Variants in ABCB1 observed in about 807,000 individuals in gnomAD.
ABCB1 encodes ATP binding cassette subfamily B member 1.
A neutral mutation model predicts 142.0 loss-of-function variants in ABCB1; 69 were observed. That is an observed-to-expected ratio of 0.49 (90% CI 0.40 to 0.59). The LOEUF (loss-of-function observed/expected upper bound fraction) is 0.59, where lower values mean the gene tolerates loss of function less well. Ranked by LOEUF, ABCB1 falls within the 20% of genes least tolerant of loss-of-function variation. The pLI is 0.00. For missense variants in ABCB1, 1,326 were observed against 1,554.7 expected (o/e 0.85, Z 2.47); for synonymous variants, 532 against 539.2 (o/e 0.99, Z 0.18).
intron 1 of ABCB1, among the ~76,000 whole-genome samples, chr7:87,634,647 A>G (rs1821582179): frequency 1.3e-5 from 2 of 152,132 alleles, no homozygotes; most frequent in South Asian, 4.1e-4. Context: ...AGAAAAAAAA[A>G]AGAACTTTAA....
intron 1 of ABCB1, among the ~76,000 whole-genome samples, chr7:87,650,097 A>G (rs1823430539): frequency 6.6e-6 from 1 of 152,078 alleles, no homozygotes; most frequent in Non-Finnish European, 1.5e-5. Flanking sequence ...ATTTTATTCT[A>G]TTTTGTGCTC....
At chr7:87,659,276 C>T in intron 1 of ABCB1, 2 of 402,216 alleles carry the variant, frequency 5.0e-6, no homozygotes, top group African/African-American at 2.1e-5. Flanking sequence ...TGTTTGTTCC[C>T]CCTGTTCTTG....
At chr7:87,621,348 C>A (rs1312563904) in intron 1 of ABCB1, among the ~76,000 whole-genome samples, 1 of 151,962 alleles carries the variant, frequency 6.6e-6, no homozygotes, top group East Asian at 1.9e-4. Context: ...CAGCAGTAGA[C>A]TAAAATTGTA....
intron 1 of ABCB1, chr7:87,629,021 G>T: frequency 1.6e-6 from 2 of 1,247,688 alleles, no homozygotes; most frequent in Non-Finnish European, 2.0e-6. Flanking sequence ...GGGTCCTTGG[G>T]GGTCCCGGGC....
chr7:87,544,750 T>G (rs2235046), intron 16 of ABCB1, 73 bp downstream of exon 16: 89 of 1,492,442 alleles, frequency 6.0e-5, no homozygotes, highest in Non-Finnish European at 7.9e-5. Flanking sequence ...CCACTCCTAC[T>G]GTAGCCCTAG....
chr7:87,576,144 A>G (rs944052209), intron 4 of ABCB1, among the ~76,000 whole-genome samples: 2 of 151,644 alleles, frequency 1.3e-5, no homozygotes, highest in Non-Finnish European at 2.9e-5. Flanking sequence ...GTTAGGTACT[A>G]TCTGTATATT....
intron 1 of ABCB1, chr7:87,628,272 C>T (rs2130154830): frequency 6.6e-6 from 1 of 152,358 alleles, no homozygotes; most frequent in Non-Finnish European, 1.5e-5. Context: ...GGGCTTGAGC[C>T]CGCTGCTTTA....
chr7:87,589,471 A>G (rs1171368113), intron 3 of ABCB1, among the ~76,000 whole-genome samples: 1 of 152,138 alleles, frequency 6.6e-6, no homozygotes, highest in Non-Finnish European at 1.5e-5. Context: ...AGTATAAACT[A>G]ATTGTAATAG....
At chr7:87,680,930 G>C (rs1463156584) in intron 1 of ABCB1, among the ~76,000 whole-genome samples, 1 of 150,666 alleles carries the variant, frequency 6.6e-6, no homozygotes, top group African/African-American at 2.5e-5. Context: ...AATAATTGGT[G>C]ATATGAAAGG....
chr7:87,634,500 G>T (rs1335424720), intron 1 of ABCB1, among the ~76,000 whole-genome samples: 5 of 135,400 alleles, frequency 3.7e-5, no homozygotes, highest in African/African-American at 5.3e-5. Flanking sequence ...GGGGTGGGGG[G>T]GGGGGCACCT....
intron 21 of ABCB1, among the ~76,000 whole-genome samples, chr7:87,526,042 T>C (rs1179959457): frequency 1.3e-5 from 2 of 152,182 alleles, no homozygotes; most frequent in African/African-American, 4.8e-5. Flanking sequence ...TTCCGCATTG[T>C]TTGGCAGTGG....
At chr7:87,659,776 C>T (rs1465409458) in intron 1 of ABCB1, among the ~76,000 whole-genome samples, 1 of 152,160 alleles carries the variant, frequency 6.6e-6, no homozygotes, top group Non-Finnish European at 1.5e-5. Context: ...TTATCTCCAC[C>T]TTCAGAATCT....
At chr7:87,581,750 T>C (rs73200315) in intron 4 of ABCB1, among the ~76,000 whole-genome samples, 7,177 of 152,278 alleles carry the variant, frequency 0.047, 186 homozygotes, top group Non-Finnish European at 0.056. Context: ...CCTATGTTTA[T>C]TGTAAAAACC....
intron 1 of ABCB1, among the ~76,000 whole-genome samples, chr7:87,621,009 A>T (rs978540711): frequency 2.7e-5 from 4 of 148,448 alleles, no homozygotes; most frequent in Non-Finnish European, 4.5e-5. Context: ...CAAGTGAAAT[A>T]AAAAAAAAAT....
At chr7:87,536,901 A>G (rs1816319070) in intron 19 of ABCB1, 1 of 299,142 alleles carries the variant, frequency 3.3e-6, no homozygotes, top group South Asian at 3.3e-5. Flanking sequence ...GGGAGGTGCT[A>G]TTTTAGAGAC....
intron 1 of ABCB1, among the ~76,000 whole-genome samples, chr7:87,709,660 T>A (rs1390824325): frequency 6.6e-6 from 1 of 152,202 alleles, no homozygotes; most frequent in Admixed American, 6.5e-5. Context: ...TCACTAGACT[T>A]GCAGACATTT....
intron 14 of ABCB1, among the ~76,000 whole-genome samples, chr7:87,548,270 G>T (rs1471823503): frequency 7.0e-6 from 1 of 142,678 alleles, no homozygotes; most frequent in Non-Finnish European, 1.5e-5. Context: ...GGAAGGGAAA[G>T]GAAATGAAAG....
At chr7:87,568,894 T>C (rs577669699) in intron 5 of ABCB1, among the ~76,000 whole-genome samples, 1 of 152,344 alleles carries the variant, frequency 6.6e-6, no homozygotes, top group East Asian at 1.9e-4. Flanking sequence ...TAATGTATTT[T>C]AAACTGTCAG....
intron 4 of ABCB1, among the ~76,000 whole-genome samples, chr7:87,579,360 G>C (rs1258917545): frequency 6.6e-6 from 1 of 152,068 alleles, no homozygotes. Context: ...CTGTGGGTCT[G>C]TTTATGTGGC....
Sources: gnomAD v4.1 joint callset for allele counts (sites outside exome capture counted in the v4.1 genomes callset) on GRCh38, gnomAD v4.1.1 for gene constraint, MANE v1.5 for transcripts, NCBI Gene and HGNC (gene_info 2026-07-23, HGNC 2026-07-21) for gene names.